GAS2: variants seen among roughly 807,000 people sequenced by gnomAD.
The protein encoded by GAS2 is growth arrest specific 2.
In GAS2, 20 loss-of-function variants were observed where a neutral mutation model predicts 37.5. The observed-to-expected ratio is 0.53, with a 90% CI of 0.37 to 0.77. GAS2 has a LOEUF of 0.77. Ranked by LOEUF, GAS2 falls within the 30% of genes least tolerant of loss-of-function variation. GAS2 has a pLI of 0.00. For missense variants in GAS2, 336 were observed against 373.4 expected (o/e 0.90, Z 0.82); for synonymous variants, 144 against 132.2 (o/e 1.09, Z -0.61).
chr11:22,780,790 CA>C (rs989478770), intron 7 of GAS2, among the ~76,000 whole-genome samples: 3 of 151,422 alleles, frequency 2.0e-5, no homozygotes, highest in Non-Finnish European at 2.9e-5. Context: ...GTGTCTCAGG[CA>C]AAAAAATGGA....
At chr11:22,757,680 A>G (rs1437251129) in intron 7 of GAS2, among the ~76,000 whole-genome samples, 4 of 152,224 alleles carry the variant, frequency 2.6e-5, no homozygotes, top group Non-Finnish European at 5.9e-5. Flanking sequence ...TACTATTTTT[A>G]TAACATTTCC....
intron 3 of GAS2, among the ~76,000 whole-genome samples, chr11:22,704,183 C>A (rs66516652): frequency 6.6e-6 from 1 of 152,104 alleles, no homozygotes; most frequent in Admixed American, 6.6e-5. Flanking sequence ...TCTTCTAGAT[C>A]AGGATCACTT....
At chr11:22,684,558 A>G (rs1849848612) in intron 2 of GAS2, among the ~76,000 whole-genome samples, 1 of 152,202 alleles carries the variant, frequency 6.6e-6, no homozygotes, top group Admixed American at 6.5e-5. Flanking sequence ...TTAATAGGAA[A>G]CAAAAAAAGG....
intron 7 of GAS2, among the ~76,000 whole-genome samples, chr11:22,800,907 C>T (rs73484236): frequency 0.041 from 6,242 of 151,988 alleles, 471 homozygotes; most frequent in African/African-American, 0.14. Context: ...AGGATATATA[C>T]AGCTTGGTTA....
intron 4 of GAS2, among the ~76,000 whole-genome samples, chr11:22,730,702 T>C (rs1852429293): frequency 6.6e-6 from 1 of 151,734 alleles, no homozygotes; most frequent in Non-Finnish European, 1.5e-5. Context: ...AGTTGATCAG[T>C]CTATAAACAA....
At chr11:22,808,904 TG>T in intron 7 of GAS2, among the ~76,000 whole-genome samples, 1 of 152,324 alleles carries the variant, frequency 6.6e-6, no homozygotes. Context: ...AATATGTGGA[TG>T]AAATTATAAA....
intron 3 of GAS2, among the ~76,000 whole-genome samples, chr11:22,720,939 A>G (rs1851919245): frequency 6.6e-6 from 1 of 152,064 alleles, no homozygotes; most frequent in Non-Finnish European, 1.5e-5. Flanking sequence ...CTGGACAAAC[A>G]TTTGGGAAAT....
At chr11:22,724,755 CAA>C (rs1215437172) in intron 3 of GAS2, among the ~76,000 whole-genome samples, 5 of 151,932 alleles carry the variant, frequency 3.3e-5, no homozygotes, top group Admixed American at 2.6e-4. Flanking sequence ...CGAGTTGCAA[CAA>C]AGAGATGGAT....
At chr11:22,800,394 T>C in intron 7 of GAS2, among the ~76,000 whole-genome samples, 1 of 152,080 alleles carries the variant, frequency 6.6e-6, no homozygotes, top group Non-Finnish European at 1.5e-5. Flanking sequence ...AGGTGAGCTG[T>C]AGCTAAGAAT....
At chr11:22,657,446 G>T (rs779542887) in intron 1 of GAS2, among the ~76,000 whole-genome samples, 1 of 152,134 alleles carries the variant, frequency 6.6e-6, no homozygotes, top group East Asian at 1.9e-4. Context: ...GGAGATTAAG[G>T]TGAGTGCATA....
rs567120154 is a variant in GAS2 at position 22,811,736 on chromosome 11, G to A, written c.724-62G>A. The A allele has an allele frequency of 1.1e-3, 1,624 of 1,469,818 alleles. 1 individual carries two copies. The highest frequency in any genetic ancestry group is 1.5e-3 in the Non-Finnish European group (1,541 of 1,051,240). The allele number at this position is 1,469,818 out of a possible 1,614,324, so 91.0% of individuals were successfully genotyped here. ...AACACTAATTTCACTAGAACCAGGG[G>A]TTGATTCAAGGTACTGTAAGAATTC... is the stretch of plus-strand genomic sequence containing the variant. On this transcript the variant is annotated intron_variant, in intron 7 of 7. Coordinates refer to ENST00000454584, the MANE Select transcript of GAS2 (RefSeq NM_001143830.3).
intron 6 of GAS2, 60 bp from the exon 7 acceptor site, chr11:22,755,786 C>T: frequency 7.8e-7 from 1 of 1,275,754 alleles, no homozygotes; most frequent in South Asian, 1.2e-5. Context: ...GTCCTTGGAG[C>T]AAATTAACAT....
chr11:22,787,503 C>G (rs1855873208), intron 7 of GAS2, among the ~76,000 whole-genome samples: 1 of 134,018 alleles, frequency 7.5e-6, no homozygotes, highest in African/African-American at 2.5e-5. Flanking sequence ...TACATACACA[C>G]ATACACATTA....
chr11:22,729,535 G>T (rs1225981681), intron 4 of GAS2, among the ~76,000 whole-genome samples: 1 of 151,810 alleles, frequency 6.6e-6, no homozygotes, highest in Non-Finnish European at 1.5e-5. Context: ...ATTCTTTAGA[G>T]ATAATTTTTC....
intron 3 of GAS2, among the ~76,000 whole-genome samples, chr11:22,690,710 G>C (rs761292031): frequency 9.2e-5 from 14 of 152,086 alleles, no homozygotes; most frequent in Non-Finnish European, 1.5e-4. Flanking sequence ...CAAATGACAG[G>C]TTTAAGGTTA....
chr11:22,784,355 A>G (rs1006221326), intron 7 of GAS2, among the ~76,000 whole-genome samples: 1 of 152,152 alleles, frequency 6.6e-6, no homozygotes, highest in Non-Finnish European at 1.5e-5. Context: ...TGGATTGATG[A>G]TAGTAAGTTA....
chr11:22,742,829 A>G (rs75339483), intron 5 of GAS2, among the ~76,000 whole-genome samples: 2,105 of 152,228 alleles, frequency 0.014, 57 homozygotes, highest in African/African-American at 0.048. Flanking sequence ...AAATTATGCA[A>G]TCTATTCCTG....
intron 3 of GAS2, among the ~76,000 whole-genome samples, chr11:22,712,820 T>A (rs1400843436): frequency 6.6e-6 from 1 of 152,032 alleles, no homozygotes; most frequent in Non-Finnish European, 1.5e-5. Context: ...CTCATGCCTG[T>A]AATTCCAGCA....
intron 7 of GAS2, among the ~76,000 whole-genome samples, chr11:22,797,260 ACT>A (rs1342333633): frequency 3.3e-5 from 5 of 152,004 alleles, no homozygotes; most frequent in African/African-American, 9.7e-5. Flanking sequence ...ATCATATGTC[ACT>A]TGCTTGCTGC....
Sources: allele counts gnomAD v4.1 joint callset (sites outside exome capture counted in the v4.1 genomes callset), GRCh38; gene constraint gnomAD v4.1.1; transcripts MANE v1.5; gene names NCBI Gene and HGNC (gene_info 2026-07-23, HGNC 2026-07-21).